MICU1: variants seen among roughly 807,000 people sequenced by gnomAD.
The protein encoded by MICU1 is mitochondrial calcium uptake 1, also known as calcium uptake protein 1, mitochondrial.
A neutral mutation model predicts 56.8 loss-of-function variants in MICU1; 45 were observed. That is an observed-to-expected ratio of 0.79 (90% CI 0.62 to 1.02). The LOEUF is 1.02. Among genes scored for constraint, MICU1 ranks in the 50% least tolerant of loss-of-function variants. The pLI is 0.00. For missense variants in MICU1, 504 were observed against 587.1 expected (o/e 0.86, Z 1.46); for synonymous variants, 186 against 195.1 (o/e 0.95, Z 0.39).
chr10:72,592,157 C>CT (rs1262885599), intron 1 of MICU1, among the ~76,000 whole-genome samples: 3 of 151,578 alleles, frequency 2.0e-5, no homozygotes, highest in South Asian at 2.1e-4. Flanking sequence ...TTACAGGCAC[C>CT]TGCCATCATG....
intron 8 of MICU1, among the ~76,000 whole-genome samples, chr10:72,437,327 T>C (rs1179914333): frequency 6.6e-6 from 1 of 152,060 alleles, no homozygotes; most frequent in Admixed American, 6.6e-5. Context: ...ATAAAATCCT[T>C]TACAGACAAG....
intron 1 of MICU1, among the ~76,000 whole-genome samples, chr10:72,578,915 ATATAATGTTACTGCACACTTCATAGAC>A (rs2132502718): frequency 6.6e-6 from 1 of 152,234 alleles, no homozygotes; most frequent in Non-Finnish European, 1.5e-5. Context: ...TGTTTTTTAG[ATATAATGTTACTGCACACTTCATAGAC>A]TACACTATAG....
chr10:72,505,981 C>CA (rs1351453810), intron 6 of MICU1, among the ~76,000 whole-genome samples: 2 of 81,418 alleles, frequency 2.5e-5, no homozygotes, highest in African/African-American at 8.4e-5. Flanking sequence ...ATTATAAAAA[C>CA]AAAAAACAAG....
chr10:72,475,584 A>G (rs897150753), intron 7 of MICU1, among the ~76,000 whole-genome samples: 1 of 151,904 alleles, frequency 6.6e-6, no homozygotes, highest in African/African-American at 2.4e-5. Context: ...ACACACCATC[A>G]TGCCTGGCTA....
At chr10:72,580,570 G>C (rs1389124670) in intron 1 of MICU1, among the ~76,000 whole-genome samples, 2 of 152,156 alleles carry the variant, frequency 1.3e-5, no homozygotes, top group African/African-American at 4.8e-5. Flanking sequence ...TCCACCTCCT[G>C]GGTTCAAGTG....
rs544810236 is a variant in MICU1 at position 72,544,937 on chromosome 10, T to C, written c.493+6242A>G. On this transcript the variant is annotated intron_variant, in intron 4 of 11. Coordinates refer to ENST00000361114, the MANE Select transcript of MICU1 (RefSeq NM_001195518.2). ...AGGGCTTCATGTAGTCTGTGCTTCA[T>C]GATTATTTTTGAACTGTTCTAAAAG... is the stretch of plus-strand genomic sequence containing the variant. Among the ~76,000 whole-genome samples the C allele has an allele frequency of 4.1e-4, 62 of 152,348 alleles. 1 individual carries two copies. The highest frequency in any genetic ancestry group is 4.4e-5 in the Non-Finnish European group (3 of 68,030).
intron 5 of MICU1, among the ~76,000 whole-genome samples, chr10:72,518,207 A>AT (rs1046607963): frequency 1.3e-5 from 2 of 151,238 alleles, no homozygotes; most frequent in Admixed American, 6.6e-5. Context: ...TAATTTTTGT[A>AT]TTTTTTTGTA....
chr10:72,468,011 T>A (rs1218547845), intron 8 of MICU1: 1 of 152,152 alleles, frequency 6.6e-6, no homozygotes, highest in East Asian at 1.9e-4. Flanking sequence ...AATTTTGTAT[T>A]TTTAGTAGAG....
chr10:72,521,974 A>G lies in MICU1; in HGVS notation c.537+11772T>C, dbSNP rs147248732. Among the ~76,000 whole-genome samples the G allele has an allele frequency of 6.2e-3, 938 of 152,226 alleles. 7 individuals carry two copies. The highest frequency in any genetic ancestry group is 0.021 in the African/African-American group (865 of 41,576). ...GTTCTTTATAATTTTTAATTAATAAATGTTAGATTAATCTGTAATTGGTGA... is the reference window on the plus strand; with the variant it reads ...GTTCTTTATAATTTTTAATTAATAAGTGTTAGATTAATCTGTAATTGGTGA... On this transcript the variant is annotated intron_variant, in intron 5 of 11. Transcript: ENST00000361114.
At chr10:72,517,161 G>GT (rs1459559553) in intron 5 of MICU1, among the ~76,000 whole-genome samples, 1 of 152,124 alleles carries the variant, frequency 6.6e-6, no homozygotes, top group African/African-American at 2.4e-5. Flanking sequence ...GGAAATGGGA[G>GT]TTACTAGAAA....
chr10:72,485,908 C>A (rs543557330), intron 6 of MICU1, among the ~76,000 whole-genome samples: 31 of 151,914 alleles, frequency 2.0e-4, no homozygotes, highest in Non-Finnish European at 2.9e-4. Flanking sequence ...CGCACACACA[C>A]ACACACACCC....
chr10:72,439,315 A>G (rs958190716), intron 8 of MICU1, among the ~76,000 whole-genome samples: 8 of 152,242 alleles, frequency 5.3e-5, no homozygotes, highest in African/African-American at 1.9e-4. Flanking sequence ...GATTATCTCA[A>G]TAGATGCAGA....
chr10:72,457,407 A>C (rs1865507429), intron 8 of MICU1, among the ~76,000 whole-genome samples: 1 of 149,566 alleles, frequency 6.7e-6, no homozygotes, highest in Non-Finnish European at 1.5e-5. Flanking sequence ...TTGGTAGTAG[A>C]GATGGGTCTC....
chr10:72,474,285 A>G (rs181179916), intron 8 of MICU1, among the ~76,000 whole-genome samples: 7,384 of 136,116 alleles, frequency 0.054, 464 homozygotes, highest in African/African-American at 0.15. Context: ...AAAAAAAAAA[A>G]AAGAAGAAAA....
At chr10:72,530,328 C>T (rs752887296) in intron 5 of MICU1, among the ~76,000 whole-genome samples, 3 of 57,086 alleles carry the variant, frequency 5.3e-5, no homozygotes, top group African/African-American at 1.1e-4. Context: ...AGCGAAACTC[C>T]ATATCAAAAT....
intron 1 of MICU1, among the ~76,000 whole-genome samples, chr10:72,607,367 G>A (rs996267296): frequency 8.9e-5 from 13 of 145,506 alleles, no homozygotes; most frequent in East Asian, 2.0e-4. Context: ...GGAGCTGGGC[G>A]CAGTGGCTCA....
chr10:72,492,571 T>C (rs1028076273), intron 6 of MICU1, among the ~76,000 whole-genome samples: 86 of 151,988 alleles, frequency 5.7e-4, no homozygotes, highest in African/African-American at 2.0e-3. Context: ...AAGACCAGCC[T>C]GACCAACATG....
intron 8 of MICU1, among the ~76,000 whole-genome samples, chr10:72,472,458 C>A (rs1362827031): frequency 6.6e-6 from 1 of 152,118 alleles, no homozygotes; most frequent in Non-Finnish European, 1.5e-5. Context: ...AAGCACTTAA[C>A]CTTTCCTGAT....
At chr10:72,482,645 T>C (rs1275921374) in intron 6 of MICU1, among the ~76,000 whole-genome samples, 1 of 152,008 alleles carries the variant, frequency 6.6e-6, no homozygotes, top group Non-Finnish European at 1.5e-5. Flanking sequence ...AAAACTGTCA[T>C]AGTTTAATCT....
Sources: allele counts gnomAD v4.1 joint callset (sites outside exome capture counted in the v4.1 genomes callset), GRCh38; gene constraint gnomAD v4.1.1; transcripts MANE v1.5; gene names NCBI Gene and HGNC (gene_info 2026-07-23, HGNC 2026-07-21).